The following FYTTD1 variants were observed in gnomAD, a reference collection of about 807,000 sequenced individuals.
The protein encoded by FYTTD1 is forty-two-three domain containing 1.
A neutral mutation model predicts 40.9 loss-of-function variants in FYTTD1; 22 were observed. The observed-to-expected ratio is 0.54, with a 90% CI of 0.38 to 0.77. FYTTD1 has a LOEUF of 0.77. FYTTD1 is among the 30% of genes least tolerant of loss of function. The pLI is 0.00. For synonymous variants in FYTTD1, 140 were observed against 137.9 expected (o/e 1.01, Z -0.10); for missense variants, 351 against 392.2 (o/e 0.90, Z 0.89).
At chr3:197,780,853 T>A (rs1468434378) in intron 8 of FYTTD1, among the ~76,000 whole-genome samples, 2 of 151,802 alleles carry the variant, frequency 1.3e-5, no homozygotes, top group Non-Finnish European at 2.9e-5. Context: ...CAGTTTCTTT[T>A]TTTTTATTTT....
intron 4 of FYTTD1, 28 bp downstream of exon 4, chr3:197,770,272 A>AT: frequency 2.9e-6 from 4 of 1,373,994 alleles, no homozygotes; most frequent in Non-Finnish European, 3.1e-6. Flanking sequence ...ATAATGTGTT[A>AT]TTTTGCATTA....
At chr3:197,766,583 C>T (rs535791393) in intron 2 of FYTTD1, among the ~76,000 whole-genome samples, 15 of 152,018 alleles carry the variant, frequency 9.9e-5, no homozygotes, top group African/African-American at 3.6e-4. Context: ...TCTGGGACTA[C>T]AGGTACGCGC....
rs115402057 is a variant in FYTTD1 at position 197,765,143 on chromosome 3, G to C, written c.236-3296G>C. Among the ~76,000 whole-genome samples the C allele has an allele frequency of 5.1e-3, 777 of 152,184 alleles. 5 individuals are homozygous for C. Among genetic ancestry groups the C allele is most frequent in the African/African-American group, 0.017 (705 of 41,518 alleles). ...GTTGGAATTACAGGCGTGAGCCACG[G>C]TACCCAACCTTATTTCATACTTAAG... On this transcript the variant is annotated intron_variant, in intron 2 of 8. Transcript: ENST00000241502.
chr3:197,780,904 C>T (rs1047893885), intron 8 of FYTTD1, among the ~76,000 whole-genome samples: 2 of 151,930 alleles, frequency 1.3e-5, no homozygotes, highest in African/African-American at 4.8e-5. Context: ...AGGAAGCTCC[C>T]TTCTATTCCT....
intron 2 of FYTTD1, among the ~76,000 whole-genome samples, chr3:197,760,799 T>C (rs1245056660): frequency 3.3e-5 from 5 of 152,124 alleles, no homozygotes; most frequent in Non-Finnish European, 5.9e-5. Context: ...TCCTCAGTGG[T>C]AGAATGTATA....
intron 6 of FYTTD1, among the ~76,000 whole-genome samples, chr3:197,775,469 T>G (rs1452673301): frequency 1.3e-5 from 2 of 151,912 alleles, no homozygotes; most frequent in African/African-American, 4.9e-5. Context: ...CGGCCCTCCA[T>G]ATCCGCGGAT....
At chr3:197,751,543 G>C (rs551229047) in intron 1 of FYTTD1, among the ~76,000 whole-genome samples, 2 of 152,208 alleles carry the variant, frequency 1.3e-5, no homozygotes, top group African/African-American at 4.8e-5. Context: ...GCTAAGACAT[G>C]AGAATAGCTG....
chr3:197,773,981 G>GCACT (rs1729796635), intron 5 of FYTTD1, among the ~76,000 whole-genome samples, 168 bp from the exon 6 acceptor site: 1 of 148,720 alleles, frequency 6.7e-6, no homozygotes, highest in Non-Finnish European at 1.5e-5. Flanking sequence ...CCCCTCCGCT[G>GCACT]CACTCACGCA....
intron 1 of FYTTD1, chr3:197,750,857 G>A: frequency 1.0e-6 from 1 of 985,426 alleles, no homozygotes; most frequent in African/African-American, 1.7e-5. Context: ...ATCTGAGAGG[G>A]TGGCGTGGTT....
At chr3:197,755,518 T>C (rs1021878476) in intron 1 of FYTTD1, among the ~76,000 whole-genome samples, 3 of 151,742 alleles carry the variant, frequency 2.0e-5, no homozygotes, top group Non-Finnish European at 4.4e-5. Context: ...CGATCTTGGC[T>C]CACTGCAACC....
chr3:197,756,343 G>A (rs562665897), intron 1 of FYTTD1, 83 bp from the exon 2 acceptor site: 169 of 934,748 alleles, frequency 1.8e-4, no homozygotes, highest in Middle Eastern at 4.3e-4. Context: ...AGTTAGGAAC[G>A]TAGGACATCT....
intron 7 of FYTTD1, 150 bp downstream of exon 7, chr3:197,777,151 T>C: frequency 1.8e-6 from 1 of 569,098 alleles, no homozygotes; most frequent in East Asian, 2.9e-5. Flanking sequence ...AAACAGTATA[T>C]GGTGTAAAGT....
At position 197,756,565 on chromosome 3, in the gene FYTTD1, T is replaced by C. The variant is rs746518767; in HGVS notation, c.235+8T>C. On this transcript the variant is annotated splice_region_variant and intron_variant, in intron 2 of 8. Transcript: ENST00000241502. ...GAATCCAACAGAATTCTGGTAAGTTTTGAAAGTAAGCTTTAATGGAAAGCT... is the reference window on the plus strand; with the variant it reads ...GAATCCAACAGAATTCTGGTAAGTTCTGAAAGTAAGCTTTAATGGAAAGCT... The C allele has an allele frequency of 6.2e-7, 1 of 1,612,578 alleles. No individual in the cohort carries two copies. The highest frequency in any genetic ancestry group is 1.1e-5 in the South Asian group (1 of 91,048).
chr3:197,781,506 AG>A (rs1730027727), intron 8 of FYTTD1, among the ~76,000 whole-genome samples: 2 of 152,168 alleles, frequency 1.3e-5, no homozygotes, highest in South Asian at 4.1e-4. Flanking sequence ...AAATATTTAC[AG>A]GTCTGAAGAG....
In FYTTD1 at chr3:197,785,312, T is replaced by C. The variant is rs1432311911; in HGVS notation, c.*3403T>C. On this transcript the variant is annotated 3_prime_UTR_variant, in exon 9 of 9. Coordinates refer to ENST00000241502, the MANE Select transcript of FYTTD1 (RefSeq NM_032288.7). ...GCGCAATACTGAAGTCCCACATCTG[T>C]GTAAACGAAAAGTTGGCCCACTGTG... 1 of 152,210 alleles carries C rather than the reference T, an allele frequency of 6.6e-6. No individual in the cohort carries two copies. Among genetic ancestry groups the C allele is most frequent in the East Asian group, 1.9e-4 (1 of 5,204 alleles). The allele number at this position is 152,210 out of a possible 1,614,324, so 9.4% of individuals were successfully genotyped here.
At chr3:197,759,366 G>A (rs1242064957) in intron 2 of FYTTD1, among the ~76,000 whole-genome samples, 6 of 151,714 alleles carry the variant, frequency 4.0e-5, no homozygotes, top group Non-Finnish European at 8.8e-5. Flanking sequence ...GTGGTAGAAT[G>A]TATAGAGTGT....
At chr3:197,770,355 A>G (rs1294973215) in intron 4 of FYTTD1, 111 bp downstream of exon 4, 1 of 682,766 alleles carries the variant, frequency 1.5e-6, no homozygotes, top group Non-Finnish European at 2.6e-6. Flanking sequence ...GTCATTTTCA[A>G]GACAGATATT....
In FYTTD1 at chr3:197,749,989, C is replaced by T. The variant is rs768955266; in HGVS notation, c.18C>T (p.Thr6=). The change falls in exon 1 of 9, where the codon ACC becomes ACT. Residue 6 remains threonine (T), a synonymous_variant. Transcript: ENST00000241502. MNRFG[T]RLVGATATSS... The stretch of plus-strand genomic sequence containing the variant: ...CTCCAGCCATGAACCGGTTTGGTAC[C>T]CGGTTGGTGGGAGCCACGGCGACTT... The T allele has an allele frequency of 1.9e-6, 3 of 1,582,528 alleles. No homozygotes were observed. The highest frequency in any genetic ancestry group is 2.6e-6 in the Non-Finnish European group (3 of 1,166,318).
chr3:197,760,015 A>AGTGGTAGAATGTATGGAGTTGTTCTTCC (rs1729329925), intron 2 of FYTTD1, among the ~76,000 whole-genome samples: 1 of 150,906 alleles, frequency 6.6e-6, no homozygotes, highest in Non-Finnish European at 1.5e-5. Context: ...GTTGTTCTTC[A>AGTGGTAGAATGTATGGAGTTGTTCTTCC]GTGGTAGAAT....
Sources: gnomAD v4.1 joint callset for allele counts (sites outside exome capture counted in the v4.1 genomes callset) on GRCh38, gnomAD v4.1.1 for gene constraint, MANE v1.5 for transcripts, NCBI Gene and HGNC (gene_info 2026-07-23, HGNC 2026-07-21) for gene names.